ZFYVE9: variants seen among roughly 807,000 people sequenced by gnomAD.
ZFYVE9 encodes zinc finger FYVE-type containing 9, also known as zinc finger FYVE domain-containing protein 9.
A neutral mutation model predicts 126.7 loss-of-function variants in ZFYVE9; 43 were observed. The ratio of observed to expected loss-of-function variants is 0.34; its 90% CI spans 0.27 to 0.44. ZFYVE9 has a LOEUF of 0.44. Among genes scored for constraint, ZFYVE9 ranks in the 20% least tolerant of loss-of-function variants. The pLI, the probability that ZFYVE9 is intolerant of heterozygous loss-of-function variation, is 1.00. For missense variants in ZFYVE9, 1,476 were observed against 1,697.0 expected (o/e 0.87, Z 2.29); for synonymous variants, 521 against 597.4 (o/e 0.87, Z 1.87).
chr1:52,343,820 C>G (rs1208433163), intron 17 of ZFYVE9, among the ~76,000 whole-genome samples: 4 of 151,012 alleles, frequency 2.6e-5, no homozygotes, highest in East Asian at 2.0e-4. Context: ...GCCTGTAATC[C>G]CAGCTCTTTG....
At chr1:52,168,572 C>T (rs555967832) in intron 1 of ZFYVE9, among the ~76,000 whole-genome samples, 39 of 149,890 alleles carry the variant, frequency 2.6e-4, no homozygotes, top group Non-Finnish European at 4.4e-4. Flanking sequence ...GGCTGGAGTG[C>T]GGTGGCTTGA....
intron 2 of ZFYVE9, among the ~76,000 whole-genome samples, chr1:52,220,339 C>G (rs1645112255): frequency 6.6e-6 from 1 of 152,124 alleles, no homozygotes; most frequent in African/African-American, 2.4e-5. Context: ...TTAGTCCAAA[C>G]CTGGATATGA....
At chr1:52,225,214 ATGT>A (rs1273853284) in intron 2 of ZFYVE9, among the ~76,000 whole-genome samples, 1 of 152,186 alleles carries the variant, frequency 6.6e-6, no homozygotes, top group Non-Finnish European at 1.5e-5. Flanking sequence ...CCTATAGCCC[ATGT>A]TGCTGAGAGT....
chr1:52,156,498 A>G (rs956092218), intron 1 of ZFYVE9, among the ~76,000 whole-genome samples: 2 of 152,074 alleles, frequency 1.3e-5, no homozygotes, highest in African/African-American at 4.8e-5. Flanking sequence ...ACGGAGAGCT[A>G]TTTTCAGAAG....
intron 1 of ZFYVE9, among the ~76,000 whole-genome samples, chr1:52,161,620 T>A (rs1254151013): frequency 6.6e-6 from 1 of 152,198 alleles, no homozygotes; most frequent in Admixed American, 6.5e-5. Context: ...TTTAAATACA[T>A]CTTTCATAGG....
intron 15 of ZFYVE9, among the ~76,000 whole-genome samples, chr1:52,337,269 T>C (rs534585231): frequency 1.5e-4 from 23 of 152,336 alleles, no homozygotes; most frequent in African/African-American, 5.5e-4. Flanking sequence ...TGGTAGCCCA[T>C]ATGAAACTCT....
At chr1:52,158,150 C>T (rs1557428608) in intron 1 of ZFYVE9, among the ~76,000 whole-genome samples, 1 of 152,210 alleles carries the variant, frequency 6.6e-6, no homozygotes, top group Non-Finnish European at 1.5e-5. Flanking sequence ...TATCCTGAGA[C>T]AGCCCCTTTC....
At chr1:52,149,385 C>T (rs1196502986) in intron 1 of ZFYVE9, among the ~76,000 whole-genome samples, 1 of 152,034 alleles carries the variant, frequency 6.6e-6, no homozygotes, top group African/African-American at 2.4e-5. Context: ...TGAGCCACCG[C>T]GCCTGGGCAA....
intron 1 of ZFYVE9, among the ~76,000 whole-genome samples, chr1:52,175,470 A>T (rs1465858727): frequency 6.6e-6 from 1 of 150,484 alleles, no homozygotes; most frequent in Non-Finnish European, 1.5e-5. Flanking sequence ...GGTGAATCTG[A>T]CAATTATGTG....
chr1:52,169,190 C>T (rs1014148983), intron 1 of ZFYVE9, among the ~76,000 whole-genome samples: 8 of 152,014 alleles, frequency 5.3e-5, no homozygotes, highest in African/African-American at 1.7e-4. Context: ...TGCTTGAGTC[C>T]AGGAGTTTGA....
In ZFYVE9 at chr1:52,238,293, C is replaced by A; in HGVS notation, c.876C>A (p.Asp292Glu). The A allele has an allele frequency of 2.5e-6, 4 of 1,613,906 alleles. No homozygotes were observed. Among genetic ancestry groups the A allele is most frequent in the Non-Finnish European group, 2.5e-6 (3 of 1,179,960 alleles). The change falls in exon 4 of 19, where the codon GAC becomes GAA. Residue 292 changes from aspartate to glutamate, a missense_variant. Coordinates refer to ENST00000287727, the MANE Select transcript of ZFYVE9 (RefSeq NM_004799.4). The part of the protein sequence containing the change: ...KKQENYIPDE[D>E]LTGKISSPRT... ...AAGAGAACTATATACCAGATGAGGA[C>A]CTCACTGGCAAAATCAGCTCTCCTA...
intron 1 of ZFYVE9, among the ~76,000 whole-genome samples, chr1:52,207,464 T>G (rs760240973): frequency 6.6e-6 from 1 of 152,210 alleles, no homozygotes; most frequent in African/African-American, 2.4e-5. Flanking sequence ...TGCTGGAAAT[T>G]GAAGCCCTGT....
intron 8 of ZFYVE9, among the ~76,000 whole-genome samples, chr1:52,275,073 ATTAT>A (rs1422372660): frequency 6.6e-6 from 1 of 152,192 alleles, no homozygotes; most frequent in East Asian, 1.9e-4. Flanking sequence ...AATGCTTAAT[ATTAT>A]GTGAAATTTT....
intron 1 of ZFYVE9, among the ~76,000 whole-genome samples, chr1:52,194,046 T>C (rs1644839641): frequency 6.6e-6 from 1 of 152,060 alleles, no homozygotes. Context: ...GAAGCGAAGG[T>C]TGCAGTGAGC....
At chr1:52,160,624 C>A (rs1644449059) in intron 1 of ZFYVE9, 1 of 684,870 alleles carries the variant, frequency 1.5e-6, no homozygotes, top group Non-Finnish European at 2.7e-6. Flanking sequence ...CCGTGTTAGC[C>A]AGGATGGTGT....
intron 2 of ZFYVE9, 79 bp downstream of exon 2, chr1:52,216,553 A>G (rs977965962): frequency 1.0e-4 from 40 of 397,692 alleles, no homozygotes; most frequent in African/African-American, 7.4e-4. Flanking sequence ...GCTGATGCAT[A>G]TATGTTACTT....
chr1:52,160,603 A>G, intron 1 of ZFYVE9: 1 of 711,278 alleles, frequency 1.4e-6, no homozygotes, highest in Non-Finnish European at 2.6e-6. Context: ...AATAGTCCAT[A>G]GAGTCGGGCA....
chr1:52,303,451 C>T (rs947698145), intron 12 of ZFYVE9, among the ~76,000 whole-genome samples: 3 of 152,080 alleles, frequency 2.0e-5, no homozygotes, highest in African/African-American at 4.8e-5. Flanking sequence ...ATGTTCCAGG[C>T]GTTAAGGATA....
At chr1:52,331,689 T>C (rs1351860511) in intron 13 of ZFYVE9, among the ~76,000 whole-genome samples, 2 of 146,100 alleles carry the variant, frequency 1.4e-5, no homozygotes, top group African/African-American at 5.0e-5. Context: ...GAGGCGGAGG[T>C]TGCAGTGAGC....
Sources: allele counts gnomAD v4.1 joint callset (sites outside exome capture counted in the v4.1 genomes callset), GRCh38; gene constraint gnomAD v4.1.1; transcripts MANE v1.5; gene names NCBI Gene and HGNC (gene_info 2026-07-23, HGNC 2026-07-21).